Variants in COL11A1 observed in about 807,000 individuals in gnomAD.
COL11A1 encodes collagen type XI alpha 1 chain, also known as collagen alpha-1(XI) chain.
COL11A1 carries 74 observed loss-of-function variants against 265.2 expected under a neutral mutation model. That is an observed-to-expected ratio of 0.28 (90% CI 0.23 to 0.34). COL11A1 has a LOEUF of 0.34. Ranked by LOEUF, COL11A1 falls within the 10% of genes least tolerant of loss-of-function variation. The pLI is 1.00. For missense variants in COL11A1, 2,165 were observed against 2,263.6 expected (o/e 0.96, Z 0.88); for synonymous variants, 816 against 727.6 (o/e 1.12, Z -1.96).
chr1:102,970,251 G>A lies in COL11A1; in HGVS notation c.2830C>T (p.Leu944=). 1 of 1,612,040 alleles carries A rather than the reference G, an allele frequency of 6.2e-7. No individual in the cohort carries two copies. Among genetic ancestry groups the A allele is most frequent in the Non-Finnish European group, 8.5e-7 (1 of 1,178,710 alleles). ...GPPGPPGKDG[L]PGHPGQRGET... is the part of the protein sequence containing the mutation. ...CCACGTTGCCCAGGGTGTCCTGGCA[G>A]CCCATCCTTCCCAGGTGGTCCCTGA... The change falls in exon 37 of 67, where the codon CTG becomes TTG. Residue 944 remains leucine, a synonymous_variant. Transcript: ENST00000370096.
chr1:103,036,635 C>T (rs1045050677), intron 4 of COL11A1, among the ~76,000 whole-genome samples: 7 of 151,592 alleles, frequency 4.6e-5, no homozygotes, highest in Non-Finnish European at 7.4e-5. Context: ...AGGCATTTTA[C>T]AGTGTTTTAT....
At chr1:102,998,046 G>A (rs1431197095) in intron 25 of COL11A1, among the ~76,000 whole-genome samples, 1 of 151,764 alleles carries the variant, frequency 6.6e-6, no homozygotes, top group African/African-American at 2.4e-5. Flanking sequence ...AATGGTTAAG[G>A]AGGAAATGAA....
chr1:103,054,677 G>C (rs964336547), intron 4 of COL11A1, among the ~76,000 whole-genome samples: 3 of 152,128 alleles, frequency 2.0e-5, no homozygotes, highest in African/African-American at 7.2e-5. Flanking sequence ...CGAGGTGGAT[G>C]GATTGCCTGA....
chr1:103,012,904 AC>A (rs1666244784), intron 13 of COL11A1, among the ~76,000 whole-genome samples: 1 of 152,118 alleles, frequency 6.6e-6, no homozygotes, highest in South Asian at 2.1e-4. Context: ...ACACCATAAA[AC>A]AAAACTGGTC....
At chr1:103,094,949 A>T (rs533160470) in intron 1 of COL11A1, among the ~76,000 whole-genome samples, 1 of 152,092 alleles carries the variant, frequency 6.6e-6, no homozygotes, top group Non-Finnish European at 1.5e-5. Context: ...TTTATCTTTG[A>T]TTAAGGGCAA....
At chr1:102,956,419 G>C (rs1660378164) in intron 41 of COL11A1, among the ~76,000 whole-genome samples, 1 of 152,066 alleles carries the variant, frequency 6.6e-6, no homozygotes, top group Admixed American at 6.6e-5. Flanking sequence ...TAGATTGTCT[G>C]ATATTTTCTG....
chr1:103,032,152 C>A (rs1668042859), intron 4 of COL11A1, among the ~76,000 whole-genome samples: 1 of 152,044 alleles, frequency 6.6e-6, no homozygotes, highest in Non-Finnish European at 1.5e-5. Context: ...GGCTGATAGC[C>A]ATTTAACTTG....
intron 14 of COL11A1, among the ~76,000 whole-genome samples, chr1:103,010,483 G>A (rs999069564): frequency 6.6e-6 from 1 of 152,056 alleles, no homozygotes; most frequent in South Asian, 2.1e-4. Flanking sequence ...ATGTGTTTAT[G>A]GGTGTCAATA....
intron 36 of COL11A1, among the ~76,000 whole-genome samples, chr1:102,972,241 T>C (rs552828918): frequency 6.6e-6 from 1 of 152,300 alleles, no homozygotes; most frequent in East Asian, 1.9e-4. Flanking sequence ...CATACTAAAG[T>C]GCTTCTTAAA....
chr1:102,948,872 T>C (rs1659586132), intron 41 of COL11A1, among the ~76,000 whole-genome samples: 1 of 151,888 alleles, frequency 6.6e-6, no homozygotes, highest in Non-Finnish European at 1.5e-5. Flanking sequence ...GAAAAAATAA[T>C]AGAATCCTCC....
chr1:103,055,437 G>A (rs941719971), intron 4 of COL11A1, among the ~76,000 whole-genome samples: 1 of 152,158 alleles, frequency 6.6e-6, no homozygotes, highest in African/African-American at 2.4e-5. Context: ...TTAAAATCCA[G>A]ATAGAAAACA....
In COL11A1 at chr1:102,920,348, G is replaced by C. The variant is rs1178882531; in HGVS notation, c.3725C>G (p.Pro1242Arg). 1 of 1,612,992 alleles carries C rather than the reference G, an allele frequency of 6.2e-7. No individual in the cohort carries two copies. Among genetic ancestry groups the C allele is most frequent in the African/African-American group, 1.3e-5 (1 of 74,858 alleles). Residue 1242 changes from proline (P) to arginine (R), a missense_variant, in exon 49 of 67, where the codon CCA becomes CGA. By Grantham distance (103) the Pro-to-Arg change is moderately radical (BLOSUM62 -2). Coordinates refer to ENST00000370096, the MANE Select transcript of COL11A1 (RefSeq NM_001854.4). ...PNGADGPQGPPGSVGSVGGVG... is the reference protein window; with the variant it reads ...PNGADGPQGPRGSVGSVGGVG... ...ACCACCAACTGAACCAACAGACCCT[G>C]GGGGTCCTTGTGGTCCCTGCAGTGT...
chr1:102,913,268 A>G (rs1654908921), intron 53 of COL11A1, among the ~76,000 whole-genome samples: 1 of 152,182 alleles, frequency 6.6e-6, no homozygotes, highest in Non-Finnish European at 1.5e-5. Context: ...CAATTAATAT[A>G]ATTCATGCTA....
chr1:102,968,645 G>A (rs1661663952), intron 37 of COL11A1, among the ~76,000 whole-genome samples: 1 of 152,148 alleles, frequency 6.6e-6, no homozygotes, highest in Non-Finnish European at 1.5e-5. Context: ...GGTCAGCAGA[G>A]AACAAAGTGA....
chr1:103,031,371 T>A, intron 4 of COL11A1, 127 bp from the exon 5 acceptor site: 2 of 1,172,530 alleles, frequency 1.7e-6, no homozygotes, highest in East Asian at 5.3e-5. Context: ...CTACTTATAT[T>A]TCAATGTTAA....
chr1:103,049,570 C>A (rs1195157024), intron 4 of COL11A1, among the ~76,000 whole-genome samples: 1 of 152,154 alleles, frequency 6.6e-6, no homozygotes, highest in African/African-American at 2.4e-5. Context: ...CAGTCTGTGT[C>A]TTTTAATTGG....
chr1:102,953,219 A>G (rs919527281), intron 41 of COL11A1, among the ~76,000 whole-genome samples: 1 of 152,216 alleles, frequency 6.6e-6, no homozygotes, highest in South Asian at 2.1e-4. Context: ...ATAGATAATG[A>G]TCAACTTCAC....
At chr1:103,039,479 G>T (rs12754606) in intron 4 of COL11A1, among the ~76,000 whole-genome samples, 1 of 151,822 alleles carries the variant, frequency 6.6e-6, no homozygotes, top group Non-Finnish European at 1.5e-5. Flanking sequence ...GGTCCTGATT[G>T]AATCTGACTG....
At chr1:103,059,874 C>T (rs576052127) in intron 4 of COL11A1, among the ~76,000 whole-genome samples, 153 of 151,958 alleles carry the variant, frequency 1.0e-3, no homozygotes, top group Non-Finnish European at 1.8e-3. Context: ...TATCTAAAAG[C>T]TTTGGGACAA....
Sources: allele counts gnomAD v4.1 joint callset (sites outside exome capture counted in the v4.1 genomes callset), GRCh38; gene constraint gnomAD v4.1.1; transcripts MANE v1.5; gene names NCBI Gene and HGNC (gene_info 2026-07-23, HGNC 2026-07-21).